The following TM2D3 variants were observed in gnomAD, a reference collection of about 807,000 sequenced individuals.
TM2D3 encodes the protein TM2 domain-containing protein 3.
In TM2D3, 33 loss-of-function variants were observed where a neutral mutation model predicts 27.3. That is an observed-to-expected ratio of 1.21 (90% CI 0.92 to 1.61). The LOEUF is 1.61. Among genes scored for constraint, TM2D3 ranks in the 40% most tolerant of loss-of-function variants. The pLI is 0.00. For synonymous variants in TM2D3, 138 were observed against 122.2 expected (o/e 1.13, Z -0.85); for missense variants, 364 against 320.8 (o/e 1.13, Z -1.03).
At chr15:101,644,450 T>C (rs955783274) in intron 5 of TM2D3, among the ~76,000 whole-genome samples, 2 of 152,142 alleles carry the variant, frequency 1.3e-5, no homozygotes, top group Non-Finnish European at 2.9e-5. Context: ...ACGTCAGCAG[T>C]GATGAGGCTG....
chr15:101,643,071 AG>A (rs1896709500), intron 5 of TM2D3, among the ~76,000 whole-genome samples: 2 of 152,182 alleles, frequency 1.3e-5, no homozygotes, highest in South Asian at 4.1e-4. Flanking sequence ...TCTTAATGTT[AG>A]GAATAAATCC....
At chr15:101,647,281 T>C (rs570533179) in intron 3 of TM2D3, among the ~76,000 whole-genome samples, 3 of 152,332 alleles carry the variant, frequency 2.0e-5, no homozygotes, top group East Asian at 1.9e-4. Flanking sequence ...CAATCACGGA[T>C]GGCTGGAAGG....
rs777765393 is a variant in TM2D3, at chr15:101,651,751, C to T, written c.114G>A (p.Gln38=). The T allele has an allele frequency of 6.2e-6, 10 of 1,614,214 alleles. No individual in the cohort carries two copies. The highest frequency in any genetic ancestry group is 1.6e-4 in the Middle Eastern group (1 of 6,062). ...SGGEQSQALA[Q]SIKDPGPTRT... The stretch of plus-strand genomic sequence containing the variant: ...GTGTTGGGCCCGGATCCTTTATTGA[C>T]TGAGCCAGCGCCTGCGATTGCTCTA... Residue 38 remains glutamine, a synonymous_variant, in exon 2 of 6, where the codon CAG becomes CAA. Coordinates refer to ENST00000333202, the MANE Select transcript of TM2D3 (RefSeq NM_078474.3).
downstream of TM2D3, among the ~76,000 whole-genome samples, chr15:101,639,040 C>T (rs1212495826): frequency 2.6e-5 from 4 of 152,118 alleles, no homozygotes; most frequent in Admixed American, 2.0e-4. Flanking sequence ...ATTATGTCCA[C>T]GTGTCTCCAT....
rs753078699 is a variant in TM2D3, at chr15:101,650,058, G to C, written c.273C>G (p.Thr91=). The C allele has an allele frequency of 6.2e-7, 1 of 1,614,148 alleles. No individual in the cohort carries two copies. Among genetic ancestry groups the C allele is most frequent in the Admixed American group, 1.7e-5 (1 of 60,010 alleles). Residue 91 remains threonine, a synonymous_variant, in exon 3 of 6, where the codon ACC becomes ACG. Coordinates refer to ENST00000333202, the MANE Select transcript of TM2D3 (RefSeq NM_078474.3). The part of the protein sequence containing the change: ...CIDCTTNFSC[T]YGKPVTFDCA... ...AGTCAAAAGTGACAGGCTTCCCATA[G>C]GTACAGGAGAAATTTGTTGTGCAGT...
downstream of TM2D3, among the ~76,000 whole-genome samples, chr15:101,640,926 C>CA (rs1222610726): frequency 2.6e-5 from 4 of 152,308 alleles, no homozygotes; most frequent in South Asian, 6.2e-4. Flanking sequence ...CCCAGAGCCA[C>CA]AAAAATGGTT....
At chr15:101,651,804 C>T in intron 1 of TM2D3, 31 bp from the exon 2 acceptor site, 1 of 1,610,508 alleles carries the variant, frequency 6.2e-7, no homozygotes, top group Non-Finnish European at 8.5e-7. Flanking sequence ...ATTAGAGAAA[C>T]ACGTTATCCC....
intron 3 of TM2D3, among the ~76,000 whole-genome samples, chr15:101,649,223 T>C (rs1053128645): frequency 4.6e-5 from 7 of 152,238 alleles, no homozygotes; most frequent in Non-Finnish European, 1.0e-4. Flanking sequence ...GAAGTGTTTA[T>C]ATATTACTGA....
intron 5 of TM2D3, among the ~76,000 whole-genome samples, chr15:101,643,150 C>G (rs1311784629): frequency 3.9e-5 from 6 of 152,038 alleles, no homozygotes; most frequent in Middle Eastern, 3.2e-3. Flanking sequence ...TGGAAAATTT[C>G]TAAACACCTA....
At chr15:101,643,623 G>GGA (rs1567311253) in intron 5 of TM2D3, among the ~76,000 whole-genome samples, 4 of 62,686 alleles carry the variant, frequency 6.4e-5, no homozygotes, top group Non-Finnish European at 1.3e-4. Flanking sequence ...AAAAAAAAAA[G>GGA]CAAAAAAAAA....
intron 1 of TM2D3, chr15:101,652,055 G>A (rs13329495): frequency 0.091 from 50,762 of 557,302 alleles, 2,675 homozygotes; most frequent in South Asian, 0.18. Flanking sequence ...GGGCTCCGCA[G>A]CCGCGATGGC....
chr15:101,644,410 G>C (rs1896751157), intron 5 of TM2D3, among the ~76,000 whole-genome samples: 1 of 152,210 alleles, frequency 6.6e-6, no homozygotes, highest in African/African-American at 2.4e-5. Flanking sequence ...GCACAGCACA[G>C]CCCCAAGACA....
chr15:101,651,570 T>C (rs1248479542), intron 2 of TM2D3, 126 bp downstream of exon 2: 3 of 957,154 alleles, frequency 3.1e-6, no homozygotes, highest in East Asian at 2.4e-5. Flanking sequence ...ATTCACATAA[T>C]CTAAAATACA....
Position 101,642,079 on chromosome 15 carries a change from A to C in TM2D3, c.*400T>G. On this transcript the variant is annotated 3_prime_UTR_variant, in exon 6 of 6. Transcript: ENST00000333202. ...ACTCCCACTTCCTGCAGTCACAGCA[A>C]TTAGCTAACAATAAAAACACTCCCA... 1.0e-6 allele frequency: 1 copy of C among 987,122 alleles called. No individual in the cohort carries two copies. The highest frequency in any genetic ancestry group is 1.2e-6 in the Non-Finnish European group (1 of 830,826). The allele number at this position is 987,122 out of a possible 1,614,324, so 61.1% of individuals were successfully genotyped here. A position where few individuals can be genotyped will look rare whatever the true frequency, so the allele number is the denominator to read the frequency against.
chr15:101,649,440 G>A (rs1441341806), intron 3 of TM2D3, among the ~76,000 whole-genome samples: 1 of 151,986 alleles, frequency 6.6e-6, no homozygotes. Flanking sequence ...CAACTATCTG[G>A]TGTTTTCTGT....
Position 101,645,108 on chromosome 15 carries a change from C to T in TM2D3, c.557G>A (p.Trp186Ter). Residue 186 changes from tryptophan (W) to a stop codon, truncating the protein, a stop_gained, in exon 5 of 6, where the codon TGG becomes TAG. Transcript: ENST00000333202. LOFTEE classifies it high-confidence loss of function. ...TTACCTTAGAGCCAGAGCCGTAGAC[C>T]ACTTATAGCCTCCAGTCCAATTGCA... ...LYCNWTGGYK[W>*]STALALSITL... 1 of 1,613,358 alleles carries T rather than the reference C, an allele frequency of 6.2e-7. No homozygotes were observed. Among genetic ancestry groups the T allele is most frequent in the Non-Finnish European group, 8.5e-7 (1 of 1,179,796 alleles).
At chr15:101,646,468 G>C in intron 4 of TM2D3, 1 of 374,962 alleles carries the variant, frequency 2.7e-6, no homozygotes, top group Non-Finnish European at 5.1e-6. Context: ...TTTGGGTAAA[G>C]GTCAATTACT....
intron 1 of TM2D3, 100 bp downstream of exon 1, chr15:101,652,171 C>T (rs1381152179): frequency 2.0e-5 from 23 of 1,151,842 alleles, no homozygotes; most frequent in Non-Finnish European, 2.5e-5. Context: ...TCGGCCTCCT[C>T]CCCGCGTCAG....
chr15:101,651,835 T>A lies in TM2D3; in HGVS notation c.92-62A>T, dbSNP rs1032813786. On this transcript the variant is annotated intron_variant, in intron 1 of 5. Transcript: ENST00000333202. ...ATCCCGGGACAAGAAAACCTTATTT[T>A]GTGTGGTTAACACGGCGGGTCTACA... is the stretch of plus-strand genomic sequence containing the variant. 7.0e-6 allele frequency: 11 copies of A among 1,572,072 alleles called. No homozygotes were observed. The African/African-American group carries it at 1.5e-4, about 21-fold the overall frequency.
Sources: gnomAD v4.1 joint callset for allele counts (sites outside exome capture counted in the v4.1 genomes callset) on GRCh38, gnomAD v4.1.1 for gene constraint, MANE v1.5 for transcripts, NCBI Gene and HGNC (gene_info 2026-07-23, HGNC 2026-07-21) for gene names.